Variants in SLC34A2 observed in about 807,000 individuals in gnomAD.
SLC34A2 encodes sodium-dependent phosphate transport protein 2B.
In SLC34A2, 41 loss-of-function variants were observed where a neutral mutation model predicts 50.8. The observed-to-expected ratio is 0.81, with a 90% CI of 0.63 to 1.05. The LOEUF (loss-of-function observed/expected upper bound fraction) is 1.05. Among genes scored for constraint, SLC34A2 ranks in the 50% least tolerant of loss-of-function variants. The pLI is 0.00. For synonymous variants in SLC34A2, 401 were observed against 364.2 expected, an observed-to-expected ratio of 1.10 and a Z score of -1.15; for missense variants, 879 against 876.7, an observed-to-expected ratio of 1.00 and a Z score of -0.03.
At chr4:25,662,996 A>T (rs1357064769) in intron 3 of SLC34A2, among the ~76,000 whole-genome samples, 154 bp downstream of exon 3, 4 of 150,268 alleles carry the variant, frequency 2.7e-5, no homozygotes, top group African/African-American at 9.8e-5. Context: ...TTTTTTTTAG[A>T]CGGAGTCTTG....
At chr4:25,659,983 C>T (rs183390939) in intron 1 of SLC34A2, among the ~76,000 whole-genome samples, 243 of 152,268 alleles carry the variant, frequency 1.6e-3, no homozygotes, top group African/African-American at 5.5e-3. Context: ...TAAAGCATTT[C>T]CCTATGGTTT....
Position 25,676,502 on chromosome 4 carries a change from A to G in SLC34A2, c.1826A>G (p.Lys609Arg), listed in dbSNP as rs116673562. 116 of 1,614,086 alleles carry G rather than the reference A, an allele frequency of 7.2e-5. No homozygotes were observed. In the East Asian group the frequency reaches 2.1e-3, roughly 29 times the overall value. ...SLKPWDAVVS[K>R]FTGCFQMRCC... ...AAGCCCTGGGATGCCGTCGTCTCCAAGTTCACCGGCTGCTTCCAGATGCGC... is the reference window on the plus strand; with the variant it reads ...AAGCCCTGGGATGCCGTCGTCTCCAGGTTCACCGGCTGCTTCCAGATGCGC... Residue 609 changes from lysine (K) to arginine (R), a missense_variant, in exon 13 of 13, where the codon AAG (lysine) becomes AGG (arginine). Coordinates refer to ENST00000382051, the MANE Select transcript of SLC34A2 (RefSeq NM_006424.3).
chr4:25,657,907 T>G (rs1267796485), intron 1 of SLC34A2, among the ~76,000 whole-genome samples: 4 of 152,160 alleles, frequency 2.6e-5, no homozygotes, highest in Admixed American at 6.5e-5. Context: ...GGGGTGATTA[T>G]TTTTCCTTGT....
chr4:25,669,617 A>G (rs1230996774), intron 6 of SLC34A2, 30 bp from the exon 7 acceptor site: 3 of 1,610,016 alleles, frequency 1.9e-6, no homozygotes, highest in African/African-American at 1.3e-5. Flanking sequence ...CTTAGTGACT[A>G]ATCTGGCTGT....
intron 6 of SLC34A2, 92 bp downstream of exon 6, chr4:25,668,083 C>A: frequency 2.4e-6 from 2 of 819,660 alleles, no homozygotes; most frequent in Non-Finnish European, 4.2e-6. Context: ...AGATGACATG[C>A]TTATCAGGTT....
At chr4:25,668,101 G>A in intron 6 of SLC34A2, 110 bp downstream of exon 6, 1 of 765,024 alleles carries the variant, frequency 1.3e-6, no homozygotes, top group East Asian at 2.7e-5. Flanking sequence ...GTTCATTCCT[G>A]GAGTTCCTAG....
In SLC34A2 at chr4:25,677,928, C is replaced by T. The variant is rs1452245023; in HGVS notation, c.*1179C>T. ...TCCAGATTTTTGGGGAAAGCTGTACCCAACTGGACTGCCCAGTGAACTGGG... is the reference window on the plus strand; with the variant it reads ...TCCAGATTTTTGGGGAAAGCTGTACTCAACTGGACTGCCCAGTGAACTGGG... On this transcript the variant is annotated 3_prime_UTR_variant, in exon 13 of 13. Transcript: ENST00000382051. 1 of 152,230 alleles carries T rather than the reference C, an allele frequency of 6.6e-6. No individual in the cohort carries two copies. The highest frequency in any genetic ancestry group is 2.4e-5 in the African/African-American group (1 of 41,448). The allele number at this position is 152,230 out of a possible 1,614,324, so 9.4% of individuals were successfully genotyped here. A position where few individuals can be genotyped will look rare whatever the true frequency, so the allele number is the denominator to read the frequency against.
intron 3 of SLC34A2, 72 bp downstream of exon 3, chr4:25,662,914 C>G (rs1199764073): frequency 2.3e-5 from 36 of 1,551,098 alleles, no homozygotes; most frequent in Non-Finnish European, 3.2e-5. Context: ...ATCCTCCTGT[C>G]CCTCCCCCTT....
intron 1 of SLC34A2, among the ~76,000 whole-genome samples, chr4:25,661,099 A>G (rs1372246724): frequency 6.6e-6 from 1 of 152,234 alleles, no homozygotes; most frequent in Admixed American, 6.5e-5. Flanking sequence ...AGGATGATTA[A>G]TCCAGACAGC....
In SLC34A2 at chr4:25,659,672, T is replaced by C. The variant is rs551168231; in HGVS notation, c.-3-2826T>C. ...AGCAAGATGGTATTGTCCCCATTTT[T>C]ACAATGATGAAGCTGAAGCTCAGAG... is the stretch of plus-strand genomic sequence containing the variant. On this transcript the variant is annotated intron_variant, in intron 1 of 12. Coordinates refer to ENST00000382051, the MANE Select transcript of SLC34A2 (RefSeq NM_006424.3). Among the ~76,000 whole-genome samples the C allele has an allele frequency of 7.9e-5, 12 of 152,290 alleles. No individual in the cohort carries two copies. The South Asian group carries it at 2.5e-3, about 32-fold the overall frequency.
chr4:25,663,870 G>A (rs143707361), intron 3 of SLC34A2, among the ~76,000 whole-genome samples: 245 of 152,282 alleles, frequency 1.6e-3, no homozygotes, highest in African/African-American at 5.6e-3. Flanking sequence ...GCTGTCAACT[G>A]CCTCACTCAG....
intron 1 of SLC34A2, among the ~76,000 whole-genome samples, chr4:25,659,020 A>G (rs1349498047): frequency 3.3e-5 from 5 of 151,570 alleles, no homozygotes; most frequent in African/African-American, 9.7e-5. Context: ...AGACATGCCA[A>G]TCTAGCCAGC....
At chr4:25,669,869 G>A in intron 7 of SLC34A2, 27 bp downstream of exon 7, 1 of 1,589,946 alleles carries the variant, frequency 6.3e-7, no homozygotes, top group Non-Finnish European at 8.6e-7. Context: ...AGAGAGAGAA[G>A]GAGACTAACT....
chr4:25,673,212 A>T lies in SLC34A2; in HGVS notation c.1174A>T (p.Lys392Ter), dbSNP rs770634792. Residue 392 changes from lysine (K) to a stop codon, truncating the protein, a stop_gained, in exon 10 of 13, where the codon AAG (lysine) becomes TAG (stop). Coordinates refer to ENST00000382051, the MANE Select transcript of SLC34A2 (RefSeq NM_006424.3). LOFTEE classifies it high-confidence loss of function. ...TGTCAAGATCCTGGGCTCTGTGCTC[A>T]AGGGGCAGGTCGCCACTGTCATCAA... ...MIVKILGSVL[K>*]GQVATVIKKT... 6.8e-6 allele frequency: 11 copies of T among 1,614,046 alleles called. No individual in the cohort carries two copies. Among genetic ancestry groups the T allele is most frequent in the Non-Finnish European group, 8.5e-6 (10 of 1,180,028 alleles).
intron 1 of SLC34A2, 54 bp from the exon 2 acceptor site, chr4:25,662,444 C>G (rs1714243870): frequency 1.3e-6 from 2 of 1,487,766 alleles, no homozygotes; most frequent in African/African-American, 1.4e-5. Context: ...CTTATAGCAT[C>G]TCGGTGTGCC....
At chr4:25,675,567 A>T (rs1011683335) in intron 12 of SLC34A2, among the ~76,000 whole-genome samples, 1 of 152,236 alleles carries the variant, frequency 6.6e-6, no homozygotes, top group African/African-American at 2.4e-5. Flanking sequence ...CATTTTTAAA[A>T]GTAGAAACAG....
intron 4 of SLC34A2, chr4:25,664,859 C>T (rs1346029759): frequency 1.3e-5 from 3 of 234,706 alleles, no homozygotes; most frequent in African/African-American, 6.6e-5. Flanking sequence ...CTTTGTACCT[C>T]AATGGTGATG....
In SLC34A2 at chr4:25,664,835, A is replaced by G. The variant is rs1055231350; in HGVS notation, c.379+505A>G. 8 of 237,414 alleles carry G rather than the reference A, an allele frequency of 3.4e-5. 1 individual carries two copies. The highest frequency in any genetic ancestry group is 1.3e-4 in the African/African-American group (6 of 45,294). 14.7% of individuals were successfully genotyped at this position (237,414 alleles called of 1,614,324 possible). On this transcript the variant is annotated intron_variant, in intron 4 of 12. Coordinates refer to ENST00000382051, the MANE Select transcript of SLC34A2 (RefSeq NM_006424.3). ...GTGAGAACCCAGGAGTGAAGTCACC[A>G]TGTGCTTGGTTCCCTTTGTACCTCA... is the stretch of plus-strand genomic sequence containing the variant.
chr4:25,667,272 G>T (rs1222959309), intron 5 of SLC34A2, among the ~76,000 whole-genome samples: 1 of 152,220 alleles, frequency 6.6e-6, no homozygotes, highest in Non-Finnish European at 1.5e-5. Context: ...AGCACTCTGG[G>T]AGGCTGAGGT....
Sources: allele counts gnomAD v4.1 joint callset (sites outside exome capture counted in the v4.1 genomes callset), GRCh38; gene constraint gnomAD v4.1.1; transcripts MANE v1.5; gene names NCBI Gene and HGNC (gene_info 2026-07-23, HGNC 2026-07-21).